Variants in PCDHGA1 observed in about 807,000 individuals in gnomAD.
PCDHGA1 encodes the protein protocadherin gamma-A1.
In PCDHGA1, 32 loss-of-function variants were observed where a neutral mutation model predicts 58.0. That is an observed-to-expected ratio of 0.55 (90% CI 0.42 to 0.74). PCDHGA1 has a LOEUF of 0.74. Ranked by LOEUF, PCDHGA1 falls within the 30% of genes least tolerant of loss-of-function variation. The pLI is 0.00. For synonymous variants in PCDHGA1, 498 were observed against 501.1 expected, an observed-to-expected ratio of 0.99 and a Z score of 0.08; for missense variants, 1,205 against 1,182.3, an observed-to-expected ratio of 1.02 and a Z score of -0.28.
chr5:141,409,629 C>T (rs1379627250), intron 1 of PCDHGA1: 3 of 1,613,860 alleles, frequency 1.9e-6, no homozygotes, highest in East Asian at 4.5e-5. Flanking sequence ...CAAGTGAGCG[C>T]CTCTGACCCG....
intron 1 of PCDHGA1, chr5:141,492,018 G>A: frequency 1.7e-6 from 1 of 585,594 alleles, no homozygotes; most frequent in Admixed American, 3.7e-5. Flanking sequence ...GGGTGTCGGG[G>A]GTCCCGGGAG....
At chr5:141,423,785 A>G (rs531378008) in intron 1 of PCDHGA1, 48 of 1,269,536 alleles carry the variant, frequency 3.8e-5, no homozygotes, top group Non-Finnish European at 4.4e-5. Context: ...TTTAGTTCAT[A>G]TATATTTAGA....
chr5:141,501,897 C>T (rs796164763), intron 2 of PCDHGA1, among the ~76,000 whole-genome samples: 17 of 152,230 alleles, frequency 1.1e-4, no homozygotes, highest in African/African-American at 3.4e-4. Flanking sequence ...ATCATGGTTC[C>T]AACCCCACTG....
intron 1 of PCDHGA1, chr5:141,413,712 T>A (rs1405825615): frequency 9.9e-6 from 16 of 1,613,454 alleles, no homozygotes; most frequent in Middle Eastern, 3.3e-4. Context: ...TCAGCCCCAA[T>A]AAGCACTTCT....
At chr5:141,388,632 A>C in intron 1 of PCDHGA1, 1 of 1,613,958 alleles carries the variant, frequency 6.2e-7, no homozygotes, top group Non-Finnish European at 8.5e-7. Context: ...ATACAGGGTG[A>C]GCCTTTCAGA....
chr5:141,349,702 C>T (rs1758341031), intron 1 of PCDHGA1, among the ~76,000 whole-genome samples: 1 of 151,206 alleles, frequency 6.6e-6, no homozygotes, highest in African/African-American at 2.4e-5. Context: ...GTATTTTAGT[C>T]AACTAAAAAT....
chr5:141,357,340 C>T (rs774673151), intron 1 of PCDHGA1: 1 of 1,614,134 alleles, frequency 6.2e-7, no homozygotes, highest in Admixed American at 1.7e-5. Flanking sequence ...GCTGCTAGCA[C>T]TCAAGCTGAG....
intron 1 of PCDHGA1, chr5:141,344,319 T>G (rs1355336441): frequency 5.0e-6 from 8 of 1,614,066 alleles, no homozygotes; most frequent in Non-Finnish European, 6.8e-6. Flanking sequence ...GGAGGAGCTC[T>G]GCGCTCAGAT....
At chr5:141,420,029 G>T (rs1382842280) in intron 1 of PCDHGA1, 2 of 1,614,082 alleles carry the variant, frequency 1.2e-6, no homozygotes, top group Non-Finnish European at 1.7e-6. Flanking sequence ...CCCTACTGCA[G>T]GAGACTGCTT....
chr5:141,365,394 C>T (rs1245270195), intron 1 of PCDHGA1: 22 of 1,613,942 alleles, frequency 1.4e-5, no homozygotes, highest in Non-Finnish European at 1.9e-5. Flanking sequence ...CTGACCAGTT[C>T]GATCTCTGAA....
At position 141,345,971 on chromosome 5, in the gene PCDHGA1, C is replaced by G. The variant is rs1192007783; in HGVS notation, c.2421+12866C>G. On this transcript the variant is annotated intron_variant, in intron 1 of 3. Transcript: ENST00000517417. ...TCAAGCAGAGCCTCGTGGTGGCCGT[C>G]CAGGACCACGGCCAGCCCCCTCTCT... 5.0e-6 allele frequency: 8 copies of G among 1,613,462 alleles called. No homozygotes were observed. In the East Asian group the frequency reaches 1.6e-4, roughly 31 times the overall value.
intron 1 of PCDHGA1, chr5:141,419,831 G>C: frequency 1.9e-6 from 3 of 1,614,048 alleles, no homozygotes; most frequent in Non-Finnish European, 2.5e-6. Context: ...TTCAGCCACT[G>C]CCACGCTGCA....
chr5:141,491,705 G>A lies in PCDHGA1; in HGVS notation c.2422-3102G>A. ...ACGCTGCGGGAGCGGAGCCAGGTGA[G>A]GGGCTCGGCGCCGCCCCGGGCGACC... is the stretch of plus-strand genomic sequence containing the variant. On this transcript the variant is annotated intron_variant, in intron 1 of 3. Transcript: ENST00000517417. The surrounding 1 kb of genome is among the most constrained non-coding windows in gnomAD (Gnocchi z 6.9). 1 of 1,611,064 alleles carries A rather than the reference G, an allele frequency of 6.2e-7. No homozygotes were observed. Among genetic ancestry groups the A allele is most frequent in the South Asian group, 1.1e-5 (1 of 90,828 alleles).
At chr5:141,398,287 C>G in intron 1 of PCDHGA1, 1 of 1,396,196 alleles carries the variant, frequency 7.2e-7, no homozygotes, top group Non-Finnish European at 9.8e-7. Flanking sequence ...CGCCACGGAC[C>G]TGGGGTTCAG....
chr5:141,331,286 A>G lies in PCDHGA1; in HGVS notation c.602A>G (p.Asp201Gly), dbSNP rs758047417. 1.2e-6 allele frequency: 2 copies of G among 1,614,042 alleles called. No homozygotes were observed. The highest frequency in any genetic ancestry group is 1.7e-6 in the Non-Finnish European group (2 of 1,180,006). Residue 201 changes from aspartate to glycine, a missense_variant, in exon 1 of 4, where the codon GAC becomes GGC. Transcript: ENST00000517417. ...HPEMVLQSPLDREEEAVHHLI... is the reference protein window; with the variant it reads ...HPEMVLQSPLGREEEAVHHLI... ...GAGATGGTGCTGCAGAGTCCCTTAG[A>G]CAGAGAAGAAGAAGCTGTCCACCAC...
At chr5:141,483,937 C>T (rs964918788) in intron 1 of PCDHGA1, among the ~76,000 whole-genome samples, 1 of 130,444 alleles carries the variant, frequency 7.7e-6, no homozygotes, top group African/African-American at 2.9e-5. Flanking sequence ...TAGGTACCTA[C>T]GGTGTGAATT....
chr5:141,372,588 T>G lies in PCDHGA1; in HGVS notation c.2421+39483T>G, dbSNP rs781493035. 9.3e-6 allele frequency: 15 copies of G among 1,613,932 alleles called. No individual in the cohort carries two copies. The South Asian group carries it at 1.2e-4, about 13-fold the overall frequency. ...TGAGGGCTACTTTCAGCCTGGTGTC[T>G]GCTTCAAGACTGTACCTGGAGTTCT... On this transcript the variant is annotated intron_variant, in intron 1 of 3. Transcript: ENST00000517417.
rs888836155 is a variant in PCDHGA1, at chr5:141,512,011, A to C, written c.*838A>C. The C allele has an allele frequency of 1.3e-5, 2 of 152,946 alleles. No homozygotes were observed. The highest frequency in any genetic ancestry group is 6.5e-5 in the Admixed American group (1 of 15,300). The allele number at this position is 152,946 out of a possible 1,614,324, so 9.5% of individuals were successfully genotyped here. ...GGCATGGACAAAGCTTGACACATCA[A>C]GTTATCAAGGCCTTGGAGGAGGCTC... On this transcript the variant is annotated 3_prime_UTR_variant, in exon 4 of 4. Coordinates refer to ENST00000517417, the MANE Select transcript of PCDHGA1 (RefSeq NM_018912.3).
At chr5:141,405,394 C>A (rs761584699) in intron 1 of PCDHGA1, 7 of 1,593,014 alleles carry the variant, frequency 4.4e-6, no homozygotes, top group Non-Finnish European at 6.0e-6. Context: ...CATTTTTTTT[C>A]TTTCTTTCTT....
Sources: gnomAD v4.1 joint callset for allele counts (sites outside exome capture counted in the v4.1 genomes callset) on GRCh38, gnomAD v4.1.1 for gene constraint, Gnocchi (gnomAD v3.1) non-coding constraint, MANE v1.5 for transcripts, NCBI Gene and HGNC (gene_info 2026-07-23, HGNC 2026-07-21) for gene names.